The following LMF1 variants were observed in gnomAD, a reference collection of about 807,000 sequenced individuals.
The protein encoded by LMF1 is lipase maturation factor 1, also known as transmembrane protein 112.
LMF1 carries 68 observed loss-of-function variants against 60.6 expected under a neutral mutation model. That is an observed-to-expected ratio of 1.12 (90% CI 0.92 to 1.37). The LOEUF (loss-of-function observed/expected upper bound fraction) is 1.37. Among genes scored for constraint, LMF1 ranks in the 40% most tolerant of loss-of-function variants. LMF1 has a pLI of 0.00. For missense variants in LMF1, 948 were observed against 767.2 expected (o/e 1.24, Z -2.78); for synonymous variants, 418 against 324.7 (o/e 1.29, Z -3.09).
At position 948,920 on chromosome 16, in the gene LMF1, CAGCCAACGACAGAGTCAG is replaced by C. The variant is rs1368336250; in HGVS notation, c.503+5419_503+5436del. 6.4e-3 allele frequency among the ~76,000 whole-genome samples: 585 copies of C among 91,346 alleles called. 120 individuals carry two copies. Among genetic ancestry groups the C allele is most frequent in the African/African-American group, 0.039 (553 of 14,330 alleles). The allele number at this position is 91,346 out of a possible 152,430, so 59.9% of individuals were successfully genotyped here. A position where few individuals can be genotyped will look rare whatever the true frequency, so the allele number is the denominator to read the frequency against. ...CGACAGAGTCAGCCAACGACAGAGTCAGCCAACGACAGAGTCAGAGCCAAGGACAGAGTCAGAGCCAAC... is the reference window on the plus strand; with the variant it reads ...CGACAGAGTCAGCCAACGACAGAGTCAGCCAAGGACAGAGTCAGAGCCAAC... On this transcript the variant is annotated intron_variant, in intron 2 of 10. Transcript: ENST00000262301.
intron 6 of LMF1, among the ~76,000 whole-genome samples, chr16:876,849 T>C (rs1467697324): frequency 6.6e-6 from 1 of 151,708 alleles, no homozygotes; most frequent in Non-Finnish European, 1.5e-5. Flanking sequence ...TCCTTATCCA[T>C]TAGAGGAGGG....
intron 3 of LMF1, among the ~76,000 whole-genome samples, chr16:923,634 G>A (rs1366752529): frequency 6.6e-6 from 1 of 152,176 alleles, no homozygotes; most frequent in Non-Finnish European, 1.5e-5. Context: ...TGGAGGAGGG[G>A]CTGTGGACTC....
upstream of LMF1, chr16:975,701 C>T (rs922433767): frequency 2.8e-5 from 12 of 426,268 alleles, no homozygotes; most frequent in Admixed American, 2.8e-4. Context: ...CGCCTGAGGG[C>T]ATCTTAATTA....
upstream of LMF1, chr16:981,487 C>T (rs2073376014): frequency 1.2e-5 from 3 of 249,964 alleles, no homozygotes; most frequent in Non-Finnish European, 2.6e-5. Context: ...AGAGGAAGCG[C>T]CGGAGACCCC....
At chr16:876,918 A>G (rs1378699574) in intron 6 of LMF1, among the ~76,000 whole-genome samples, 1 of 152,212 alleles carries the variant, frequency 6.6e-6, no homozygotes, top group Non-Finnish European at 1.5e-5. Flanking sequence ...AAACACAAAG[A>G]TGTGGAAATA....
In LMF1 at chr16:962,899, G is replaced by A. The variant is rs2151487932; in HGVS notation, c.193+7889C>T. The stretch of plus-strand genomic sequence containing the variant: ...TGCCCGGCATGAAGCGCTGTGAGCA[G>A]CCTCCCTCCAAGGCAGTGGGAGCAG... On this transcript the variant is annotated intron_variant, in intron 1 of 10. Coordinates refer to ENST00000262301, the MANE Select transcript of LMF1 (RefSeq NM_022773.4). The surrounding 1 kb of genome is among the most constrained non-coding windows in gnomAD (Gnocchi z 4.5). 2.0e-5 allele frequency among the ~76,000 whole-genome samples: 3 copies of A among 152,340 alleles called. No individual in the cohort carries two copies. Among genetic ancestry groups the A allele is most frequent in the East Asian group, 3.9e-4 (2 of 5,180 alleles).
At chr16:855,669 G>A (rs2069165715) in intron 10 of LMF1, 2 of 455,458 alleles carry the variant, frequency 4.4e-6, no homozygotes, top group Non-Finnish European at 8.8e-6. Context: ...TGGGATCCAT[G>A]GCAGAGCTGG....
At chr16:981,344 G>GAA (rs748367397), upstream of LMF1, 6,480 of 247,988 alleles carry the variant, frequency 0.026, 52 homozygotes, top group Non-Finnish European at 0.033. Context: ...GAGAGAGAGA[G>GAA]AGAGTGTGTG....
intron 1 of LMF1, chr16:980,290 G>C (rs960943348): frequency 6.4e-6 from 1 of 157,278 alleles, no homozygotes; most frequent in African/African-American, 2.4e-5. Context: ...GCGGACGGGG[G>C]CGGGCGGCCG....
chr16:889,551 T>C (rs7190992), intron 5 of LMF1, among the ~76,000 whole-genome samples: 68,690 of 152,016 alleles, frequency 0.45, 17,856 homozygotes, highest in African/African-American at 0.71. Context: ...CCGGAGGTTT[T>C]CAGGCTCCTG....
Position 954,670 on chromosome 16 carries a change from G to A in LMF1, c.194-4C>T. On this transcript the variant is annotated splice_polypyrimidine_tract_variant and splice_region_variant and intron_variant, in intron 1 of 10. Transcript: ENST00000262301. The stretch of plus-strand genomic sequence containing the variant: ...AAAGCCACCAGGAATGCCACGACTG[G>A]AAGAAAAAGAAGACAAAACAAGCAT... 1 of 1,577,870 alleles carries A rather than the reference G, an allele frequency of 6.3e-7. No homozygotes were observed. Among genetic ancestry groups the A allele is most frequent in the Non-Finnish European group, 8.6e-7 (1 of 1,161,942 alleles).
Position 853,803 on chromosome 16 carries a change from G to A in LMF1, c.*729C>T, listed in dbSNP as rs1474928287. On this transcript the variant is annotated 3_prime_UTR_variant, in exon 11 of 11. Transcript: ENST00000262301. ...ATTGAGGGGCCTTGTCAAGGCCTCAGAGGCAGCGAGGTCACAGCCTGGTGG... is the reference window on the plus strand; with the variant it reads ...ATTGAGGGGCCTTGTCAAGGCCTCAAAGGCAGCGAGGTCACAGCCTGGTGG... 2.2e-6 allele frequency: 1 copy of A among 454,158 alleles called. No homozygotes were observed. The allele number at this position is 454,158 out of a possible 1,614,324, so 28.1% of individuals were successfully genotyped here.
chr16:962,396 G>A lies in LMF1; in HGVS notation c.194-7730C>T, dbSNP rs1043998872. ...ATAATGTCCGCAGACACTCCCTTCA[G>A]GAGGCGGGGGCTGGACCCAGTGAGC... On this transcript the variant is annotated intron_variant, in intron 1 of 10. Transcript: ENST00000262301. This position sits in a 1 kb window ranked among gnomAD's most constrained non-coding sequence, Gnocchi z 4.5. Among the ~76,000 whole-genome samples, 1 of 152,248 alleles carries A rather than the reference G, an allele frequency of 6.6e-6. No homozygotes were observed. The highest frequency in any genetic ancestry group is 2.4e-5 in the African/African-American group (1 of 41,470).
chr16:927,770 A>G (rs2071652553), intron 3 of LMF1, among the ~76,000 whole-genome samples: 1 of 152,216 alleles, frequency 6.6e-6, no homozygotes. Context: ...TGAACCCCTC[A>G]TTAAGCTGTT....
intron 10 of LMF1, among the ~76,000 whole-genome samples, chr16:856,741 A>T (rs1427930595): frequency 6.6e-6 from 1 of 152,258 alleles, no homozygotes; most frequent in African/African-American, 2.4e-5. Flanking sequence ...GAAGGGTTGC[A>T]TTTCATTCCT....
intron 10 of LMF1, among the ~76,000 whole-genome samples, chr16:865,275 C>T (rs888532708): frequency 4.6e-5 from 7 of 152,214 alleles, no homozygotes; most frequent in African/African-American, 4.8e-5. Context: ...CTACTTCAGA[C>T]AGTTTTATAG....
At chr16:924,495 C>T (rs1284568305) in intron 3 of LMF1, among the ~76,000 whole-genome samples, 1 of 152,166 alleles carries the variant, frequency 6.6e-6, no homozygotes, top group Admixed American at 6.5e-5. Context: ...AAAAGGCCAC[C>T]TGTAAAACCC....
At chr16:981,309 A>G, upstream of LMF1, 1 of 199,090 alleles carries the variant, frequency 5.0e-6, no homozygotes, top group Non-Finnish European at 1.0e-5. Context: ...TGTGTGAGAG[A>G]GAGAGAGAGA....
intron 1 of LMF1, among the ~76,000 whole-genome samples, chr16:959,717 C>G (rs1286874239): frequency 6.6e-6 from 1 of 152,212 alleles, no homozygotes; most frequent in Non-Finnish European, 1.5e-5. Context: ...CTTTCCCCCC[C>G]GGGCCTGGGT....
Sources: allele counts gnomAD v4.1 joint callset (sites outside exome capture counted in the v4.1 genomes callset), GRCh38; gene constraint gnomAD v4.1.1; non-coding constraint Gnocchi (gnomAD v3.1); transcripts MANE v1.5; gene names NCBI Gene and HGNC (gene_info 2026-07-23, HGNC 2026-07-21).